DPH5: variants seen among roughly 807,000 people sequenced by gnomAD.
The protein encoded by DPH5 is diphthine methyl ester synthase.
DPH5 carries 31 observed loss-of-function variants against 31.6 expected under a neutral mutation model. The ratio of observed to expected loss-of-function variants is 0.98; its 90% CI spans 0.74 to 1.32. The LOEUF is 1.32. Among genes scored for constraint, DPH5 ranks in the 40% most tolerant of loss-of-function variants. The probability of loss-of-function intolerance (pLI) is 0.00; values close to 1 mark genes in which losing one functional copy is unlikely to be tolerated. For synonymous variants in DPH5, 120 were observed against 115.0 expected (o/e 1.04, Z -0.28); for missense variants, 309 against 335.7 (o/e 0.92, Z 0.62).
chr1:101,003,305 T>A (rs1659001782), intron 4 of DPH5, among the ~76,000 whole-genome samples: 1 of 152,218 alleles, frequency 6.6e-6, no homozygotes, highest in African/African-American at 2.4e-5. Flanking sequence ...GGTTTTGTTA[T>A]TATTATTGGG....
At chr1:101,015,019 A>T (rs2101259862) in intron 3 of DPH5, among the ~76,000 whole-genome samples, 1 of 152,284 alleles carries the variant, frequency 6.6e-6, no homozygotes, top group East Asian at 1.9e-4. Context: ...CCTGCAGTGA[A>T]GTCTTGAAGC....
chr1:101,001,304 G>A (rs1441562356), intron 5 of DPH5, among the ~76,000 whole-genome samples, 163 bp downstream of exon 5: 3 of 152,200 alleles, frequency 2.0e-5, no homozygotes, highest in African/African-American at 2.4e-5. Flanking sequence ...CAGAAGATGC[G>A]TGTCTCTCTA....
At chr1:100,996,068 T>C (rs1479488752) in intron 5 of DPH5, 7 of 152,344 alleles carry the variant, frequency 4.6e-5, no homozygotes, top group African/African-American at 1.7e-4. Flanking sequence ...TATTTTTAAA[T>C]GTTCTTGGAA....
Position 100,995,414 on chromosome 1 carries a change from T to C in DPH5, c.491-265A>G, listed in dbSNP as rs1570651093. The C allele has an allele frequency of 8.3e-6, 3 of 360,042 alleles. No individual in the cohort carries two copies. The East Asian group carries it at 1.6e-4, about 20-fold the overall frequency. The allele number at this position is 360,042 out of a possible 1,614,324, so 22.3% of individuals were successfully genotyped here. On this transcript the variant is annotated intron_variant, in intron 5 of 7. Coordinates refer to ENST00000370109, the MANE Select transcript of DPH5 (RefSeq NM_015958.3). Reference sequence around the variant, plus strand: ...AAAGAAGACAAGGGAAAGAATTAGATAAACATTGGCATATACACTACTAAC... The same window carrying C: ...AAAGAAGACAAGGGAAAGAATTAGACAAACATTGGCATATACACTACTAAC...
Position 101,025,408 on chromosome 1 carries a change from G to T in DPH5, c.36C>A (p.Ala12=). 3.1e-6 allele frequency: 5 copies of T among 1,614,146 alleles called. No homozygotes were observed. Among genetic ancestry groups the T allele is most frequent in the Non-Finnish European group, 3.4e-6 (4 of 1,180,022 alleles). The part of the protein sequence containing the change: ...LYLIGLGLGD[A]KDITVKGLEV... ...CCAGGCCCTTGACTGTGATGTCCTT[G>T]GCATCTCCCAGGCCCAACCCGATGA... The change falls in exon 2 of 8, where the codon GCC becomes GCA. Residue 12 remains alanine, a synonymous_variant. Transcript: ENST00000370109.
chr1:101,023,280 A>G (rs1660595549), intron 2 of DPH5: 1 of 152,216 alleles, frequency 6.6e-6, no homozygotes, highest in African/African-American at 2.4e-5. Flanking sequence ...TCCTGGCTCT[A>G]TCATTCACTA....
At chr1:101,012,687 C>A (rs1202484329) in intron 4 of DPH5, among the ~76,000 whole-genome samples, 1 of 152,140 alleles carries the variant, frequency 6.6e-6, no homozygotes, top group Non-Finnish European at 1.5e-5. Flanking sequence ...AAAAAGATAG[C>A]AAAATTCCAT....
intron 6 of DPH5, among the ~76,000 whole-genome samples, chr1:100,993,776 C>G (rs1304574668): frequency 6.6e-6 from 1 of 151,162 alleles, no homozygotes; most frequent in East Asian, 1.9e-4. Flanking sequence ...CAGTCTCACT[C>G]TGTTGCCCAG....
At chr1:101,009,584 C>A (rs749728544) in intron 4 of DPH5, among the ~76,000 whole-genome samples, 8 of 152,188 alleles carry the variant, frequency 5.3e-5, no homozygotes, top group Non-Finnish European at 1.0e-4. Flanking sequence ...ACAGTACAAG[C>A]CACCATCATC....
chr1:101,016,215 G>T (rs886368297), intron 3 of DPH5, among the ~76,000 whole-genome samples: 6 of 151,756 alleles, frequency 4.0e-5, no homozygotes, highest in Non-Finnish European at 8.8e-5. Flanking sequence ...TTAGCTGGGC[G>T]TGGTGGCAGG....
At chr1:100,997,377 T>TG (rs397739815) in intron 5 of DPH5, among the ~76,000 whole-genome samples, 2 of 152,056 alleles carry the variant, frequency 1.3e-5, no homozygotes, top group Non-Finnish European at 2.9e-5. Flanking sequence ...CTTTTTTTTT[T>TG]GCTTTTGAGA....
chr1:100,999,401 G>C (rs1268692347), intron 5 of DPH5, among the ~76,000 whole-genome samples: 2 of 152,208 alleles, frequency 1.3e-5, no homozygotes, highest in Non-Finnish European at 2.9e-5. Context: ...AGTATGCTGA[G>C]ATTGTGACAC....
chr1:100,993,402 A>T (rs896208384), intron 6 of DPH5, among the ~76,000 whole-genome samples: 1 of 151,192 alleles, frequency 6.6e-6, no homozygotes, highest in Admixed American at 6.6e-5. Context: ...AATAAAAAAA[A>T]TTAGCGTGGC....
At chr1:101,013,601 T>C (rs1371773371) in intron 4 of DPH5, 109 bp downstream of exon 4, 15 of 763,568 alleles carry the variant, frequency 2.0e-5, no homozygotes, top group East Asian at 1.1e-4. Flanking sequence ...TAGTATCAAA[T>C]AGTAGTATGT....
intron 5 of DPH5, among the ~76,000 whole-genome samples, chr1:100,996,761 T>C (rs1346282492): frequency 6.6e-6 from 1 of 152,248 alleles, no homozygotes; most frequent in African/African-American, 2.4e-5. Context: ...ATTAATGCTA[T>C]CTTTTATTAA....
chr1:100,994,868 C>G (rs1472780969), intron 6 of DPH5, among the ~76,000 whole-genome samples: 2 of 152,144 alleles, frequency 1.3e-5, no homozygotes, highest in South Asian at 4.1e-4. Context: ...TAATTCATTC[C>G]ACAAACACTG....
At chr1:100,994,871 A>T (rs951421267) in intron 6 of DPH5, among the ~76,000 whole-genome samples, 6 of 152,152 alleles carry the variant, frequency 3.9e-5, no homozygotes, top group Non-Finnish European at 8.8e-5. Flanking sequence ...TTCATTCCAC[A>T]AACACTGAGT....
intron 4 of DPH5, among the ~76,000 whole-genome samples, chr1:101,003,498 C>A (rs1242021073): frequency 1.3e-5 from 2 of 152,162 alleles, no homozygotes. Context: ...CTGGTTCTTA[C>A]TATGATTAAT....
chr1:101,002,379 T>C (rs1045627231), intron 4 of DPH5, among the ~76,000 whole-genome samples: 1 of 152,208 alleles, frequency 6.6e-6, no homozygotes, highest in Non-Finnish European at 1.5e-5. Context: ...CTGTGTGATA[T>C]TACTGTAAGA....
Sources: gnomAD v4.1 joint callset for allele counts (sites outside exome capture counted in the v4.1 genomes callset) on GRCh38, gnomAD v4.1.1 for gene constraint, MANE v1.5 for transcripts, NCBI Gene and HGNC (gene_info 2026-07-23, HGNC 2026-07-21) for gene names.